The following RIC1 variants were observed in gnomAD, a reference collection of about 807,000 sequenced individuals.
RIC1 encodes guanine nucleotide exchange factor subunit RIC1.
RIC1 carries 88 observed loss-of-function variants against 169.0 expected under a neutral mutation model. The observed-to-expected ratio is 0.52, with a 90% CI of 0.44 to 0.62. The LOEUF is 0.62. RIC1 is among the 20% of genes least tolerant of loss of function. The probability of loss-of-function intolerance (pLI) is 0.00; values close to 1 mark genes in which losing one functional copy is unlikely to be tolerated. For synonymous variants in RIC1, 790 were observed against 601.5 expected (o/e 1.31, Z -4.59); for missense variants, 1,877 against 1,725.5 (o/e 1.09, Z -1.56).
chr9:5,686,438 T>C (rs995979457), intron 2 of RIC1, among the ~76,000 whole-genome samples: 4 of 152,110 alleles, frequency 2.6e-5, no homozygotes, highest in African/African-American at 9.7e-5. Flanking sequence ...CATGGAATAG[T>C]ATGCAGCCAT....
chr9:5,679,415 A>G (rs1320876897), intron 2 of RIC1, among the ~76,000 whole-genome samples: 1 of 152,202 alleles, frequency 6.6e-6, no homozygotes, highest in Non-Finnish European at 1.5e-5. Context: ...CATTGAATCT[A>G]TAAATTACCT....
Position 5,732,615 on chromosome 9 carries a change from A to G in RIC1, c.812+136A>G, listed in dbSNP as rs145474096. The G allele has an allele frequency of 1.6e-4, 79 of 504,950 alleles. 2 individuals carry two copies. Among genetic ancestry groups the G allele is most frequent in the African/African-American group, 1.4e-3 (71 of 50,324 alleles). The allele number at this position is 504,950 out of a possible 1,614,324, so 31.3% of individuals were successfully genotyped here. A position where few individuals can be genotyped will look rare whatever the true frequency, so the allele number is the denominator to read the frequency against. ...TCATAATTTATCAGTCAACCTTAAT[A>G]TGAAATGTAAAAGTATTTTATTAGA... is the stretch of plus-strand genomic sequence containing the variant. On this transcript the variant is annotated intron_variant, in intron 7 of 25. Coordinates refer to ENST00000414202, the MANE Select transcript of RIC1 (RefSeq NM_020829.4).
chr9:5,723,748 A>G (rs1266861590), intron 6 of RIC1, among the ~76,000 whole-genome samples: 2 of 152,200 alleles, frequency 1.3e-5, no homozygotes, highest in Admixed American at 6.5e-5. Context: ...AGGTGTAAGG[A>G]AAGGATCCAG....
At chr9:5,662,426 C>T (rs545695204) in intron 2 of RIC1, among the ~76,000 whole-genome samples, 41 of 150,032 alleles carry the variant, frequency 2.7e-4, no homozygotes, top group African/African-American at 9.5e-4. Flanking sequence ...TTCTTTGTAC[C>T]TCTGGTAGAA....
chr9:5,679,634 C>G (rs1359001291), intron 2 of RIC1, among the ~76,000 whole-genome samples: 1 of 152,078 alleles, frequency 6.6e-6, no homozygotes. Flanking sequence ...TGATTTGGCT[C>G]TGTGTTTGTC....
chr9:5,765,007 ACT>A (rs1270058389), intron 19 of RIC1: 1 of 156,218 alleles, frequency 6.4e-6, no homozygotes, highest in Non-Finnish European at 1.4e-5. Context: ...TCCTCAGAAA[ACT>A]CTGCAACAGG....
At chr9:5,724,404 C>G (rs182936037) in intron 6 of RIC1, among the ~76,000 whole-genome samples, 24 of 152,234 alleles carry the variant, frequency 1.6e-4, no homozygotes, top group Admixed American at 1.2e-3. Context: ...TTTGCACATT[C>G]ATTTTGTATC....
intron 16 of RIC1, 135 bp downstream of exon 16, chr9:5,756,507 G>A: frequency 2.0e-6 from 1 of 498,102 alleles, no homozygotes; most frequent in Non-Finnish European, 3.3e-6. Context: ...AAAAAGCAAG[G>A]AGTTTTAATT....
chr9:5,672,824 A>G (rs1269470630), intron 2 of RIC1, among the ~76,000 whole-genome samples: 1 of 152,198 alleles, frequency 6.6e-6, no homozygotes, highest in Non-Finnish European at 1.5e-5. Context: ...GAGAAAAATC[A>G]TTCAGAGAAA....
At chr9:5,630,086 G>A (rs1159235372) in intron 1 of RIC1, among the ~76,000 whole-genome samples, 4 of 152,148 alleles carry the variant, frequency 2.6e-5, no homozygotes, top group African/African-American at 9.7e-5. Flanking sequence ...TTAAAGGAGC[G>A]GAAGTAGAAC....
intron 6 of RIC1, among the ~76,000 whole-genome samples, chr9:5,729,733 T>C (rs563321969): frequency 2.8e-4 from 42 of 152,196 alleles, no homozygotes; most frequent in Non-Finnish European, 4.1e-4. Context: ...TCCTATCTAC[T>C]ATCTTCCGTT....
At chr9:5,693,868 C>CT (rs1821736526) in intron 3 of RIC1, among the ~76,000 whole-genome samples, 1 of 151,144 alleles carries the variant, frequency 6.6e-6, no homozygotes, top group Non-Finnish European at 1.5e-5. Context: ...CTATTACCCT[C>CT]TTTTTTGTTA....
At chr9:5,687,228 G>T (rs1371541455) in intron 2 of RIC1, among the ~76,000 whole-genome samples, 1 of 152,018 alleles carries the variant, frequency 6.6e-6, no homozygotes, top group African/African-American at 2.4e-5. Context: ...CCTGATCAGT[G>T]TGACCAGAAA....
chr9:5,648,754 A>G lies in RIC1; in HGVS notation c.145-7829A>G, dbSNP rs561245108. 1.2e-4 allele frequency among the ~76,000 whole-genome samples: 19 copies of G among 152,116 alleles called. No homozygotes were observed. The South Asian group carries it at 3.5e-3, about 28-fold the overall frequency. ...TGTGGTTTTGATTTTCATTTTCCTG[A>G]TGATTAGTGATGTTGAGCCTCTTTT... On this transcript the variant is annotated intron_variant, in intron 1 of 25. Coordinates refer to ENST00000414202, the MANE Select transcript of RIC1 (RefSeq NM_020829.4).
chr9:5,778,569 G>GTCTT (rs1827698998), downstream of RIC1, among the ~76,000 whole-genome samples: 1 of 152,094 alleles, frequency 6.6e-6, no homozygotes, highest in Admixed American at 6.5e-5. Context: ...TGTATAGTTT[G>GTCTT]TCTTTTACAA....
chr9:5,762,351 G>A (rs1826393389), intron 17 of RIC1, among the ~76,000 whole-genome samples, 190 bp from the exon 18 acceptor site: 2 of 152,126 alleles, frequency 1.3e-5, no homozygotes, highest in African/African-American at 4.8e-5. Context: ...TGCATTATGT[G>A]TTAGGCTTTG....
chr9:5,692,538 T>C (rs1821646624), intron 3 of RIC1, among the ~76,000 whole-genome samples: 5 of 152,096 alleles, frequency 3.3e-5, no homozygotes, highest in African/African-American at 1.2e-4. Context: ...TAGTAACTGC[T>C]ACCTAAAATC....
intron 2 of RIC1, among the ~76,000 whole-genome samples, chr9:5,665,407 C>G (rs533895342): frequency 6.6e-6 from 1 of 152,266 alleles, no homozygotes; most frequent in East Asian, 1.9e-4. Flanking sequence ...CAGTGAAGTT[C>G]GTTGTTACCC....
At chr9:5,629,781 C>T (rs1817628695) in intron 1 of RIC1, among the ~76,000 whole-genome samples, 1 of 152,220 alleles carries the variant, frequency 6.6e-6, no homozygotes, top group African/African-American at 2.4e-5. Flanking sequence ...CCCCATTCCC[C>T]GAGGGACAAA....
Sources: allele counts gnomAD v4.1 joint callset (sites outside exome capture counted in the v4.1 genomes callset), GRCh38; gene constraint gnomAD v4.1.1; transcripts MANE v1.5; gene names NCBI Gene and HGNC (gene_info 2026-07-23, HGNC 2026-07-21).